ALAS2: variants seen among roughly 807,000 people sequenced by gnomAD.
ALAS2 encodes 5-aminolevulinate synthase, erythroid-specific, mitochondrial.
In ALAS2, 3 loss-of-function variants were observed where a neutral mutation model predicts 33.7. The ratio of observed to expected loss-of-function variants is 0.09; its 90% CI spans 0.04 to 0.23. ALAS2 has a LOEUF of 0.23. ALAS2 is among the 10% of genes least tolerant of loss of function. The pLI, the probability that ALAS2 is intolerant of heterozygous loss-of-function variation, is 1.00. For synonymous variants in ALAS2, 191 were observed against 177.3 expected (o/e 1.08, Z -0.61); for missense variants, 304 against 475.1 (o/e 0.64, Z 3.35).
chrX:55,009,157 G>A lies in ALAS2; in HGVS notation c.*23C>T, dbSNP rs942848551. The A allele has an allele frequency of 1.7e-6, 2 of 1,202,750 alleles. No individual in the cohort carries two copies. The highest frequency in any genetic ancestry group is 2.2e-5 in the Admixed American group (1 of 44,941). On this transcript the variant is annotated 3_prime_UTR_variant, in exon 11 of 11. Coordinates refer to ENST00000650242, the MANE Select transcript of ALAS2 (RefSeq NM_000032.5). ...GACCCAAGTGAAGCGCAGGTGGGGT[G>A]TGAATCCTAGGCAGCTGGCTTCTCA...
chrX:55,011,350 T>TA (rs747005981), intron 10 of ALAS2, among the ~76,000 whole-genome samples: 1 of 111,823 alleles, frequency 8.9e-6, no homozygotes, highest in Admixed American at 9.5e-5. Context: ...ATTTTTAAGA[T>TA]AAAAAAACAT....
At chrX:55,016,230 G>A (rs759452650) in intron 7 of ALAS2, among the ~76,000 whole-genome samples, 1 of 110,463 alleles carries the variant, frequency 9.1e-6, no homozygotes, top group Non-Finnish European at 1.9e-5. Flanking sequence ...CAAATGTAAC[G>A]AGGTAGAATG....
intron 1 of ALAS2, chrX:55,027,769 T>C (rs1178383634): frequency 1.7e-6 from 2 of 1,211,419 alleles, no homozygotes; most frequent in South Asian, 3.5e-5. Flanking sequence ...ACAACCTCTT[T>C]TTCTTGTTCC....
At chrX:55,029,006 G>A (rs1023977131) in intron 1 of ALAS2, among the ~76,000 whole-genome samples, 8 of 112,010 alleles carry the variant, frequency 7.1e-5, no homozygotes, top group Non-Finnish European at 5.6e-5. Flanking sequence ...ATGTTGTGAA[G>A]ATTCAGTAAG....
intron 9 of ALAS2, 114 bp from the exon 10 acceptor site, chrX:55,013,762 AT>A (rs944857777): frequency 1.2e-3 from 1,101 of 882,480 alleles, no homozygotes; most frequent in Non-Finnish European, 1.4e-3. Flanking sequence ...TTTGGGATAG[AT>A]TTTTTTTTTC....
At chrX:55,022,608 A>C (rs868241585) in intron 4 of ALAS2, among the ~76,000 whole-genome samples, 18 of 111,807 alleles carry the variant, frequency 1.6e-4, no homozygotes, top group African/African-American at 5.8e-4. Context: ...TAATTGACAA[A>C]ATGTATTAAT....
At chrX:55,020,980 C>CTTT in intron 5 of ALAS2, 72 bp downstream of exon 5, 1 of 844,101 alleles carries the variant, frequency 1.2e-6, no homozygotes, top group Non-Finnish European at 1.7e-6. Flanking sequence ...CCAGCTCTGC[C>CTTT]TTTTTTTTTT....
At chrX:55,025,323 G>A (rs1008803477) in intron 2 of ALAS2, among the ~76,000 whole-genome samples, 3 of 111,232 alleles carry the variant, frequency 2.7e-5, no homozygotes, top group African/African-American at 9.8e-5. Context: ...ATGACAGTGA[G>A]ACTGTTTCTT....
intron 3 of ALAS2, among the ~76,000 whole-genome samples, chrX:55,024,172 T>C (rs1205513925): frequency 8.9e-6 from 1 of 112,213 alleles, no homozygotes; most frequent in Non-Finnish European, 1.9e-5. Context: ...TGCAGGATAA[T>C]GTACCTTACT....
intron 8 of ALAS2, 76 bp downstream of exon 8, chrX:55,015,502 G>C: frequency 8.8e-7 from 1 of 1,136,135 alleles, no homozygotes; most frequent in Non-Finnish European, 1.2e-6. Flanking sequence ...TATAGCTTTG[G>C]GGAGGAGGCA....
intron 4 of ALAS2, among the ~76,000 whole-genome samples, chrX:55,023,316 A>G (rs191205223): frequency 9.0e-6 from 1 of 110,574 alleles, no homozygotes; most frequent in African/African-American, 3.3e-5. Context: ...ACTTTCCTGT[A>G]TATGTTGAAA....
intron 6 of ALAS2, among the ~76,000 whole-genome samples, chrX:55,019,598 A>G (rs1935765401): frequency 9.0e-6 from 1 of 111,444 alleles, no homozygotes; most frequent in Non-Finnish European, 1.9e-5. Context: ...GTAGAGGTTA[A>G]GAGTATGAAT....
At chrX:55,023,062 T>A (rs73499028) in intron 4 of ALAS2, among the ~76,000 whole-genome samples, 1,406 of 111,523 alleles carry the variant, frequency 0.013, 24 homozygotes, top group African/African-American at 0.043. Context: ...GATGCTTGAT[T>A]AACTGAATGA....
rs1332684906 is a variant in ALAS2, at chrX:55,025,082, G to T, written c.182-242C>A. Among the ~76,000 whole-genome samples, 3 of 111,113 alleles carry T rather than the reference G, an allele frequency of 2.7e-5. No homozygotes were observed. The Admixed American group carries it at 2.9e-4, about 11-fold the overall frequency. On this transcript the variant is annotated intron_variant, in intron 2 of 10. Coordinates refer to ENST00000650242, the MANE Select transcript of ALAS2 (RefSeq NM_000032.5). ...GTACATGGGCTACAGAAGTCCAGAA[G>T]AGGGAGGGGAAATGAGCCAGAATTG...
intron 10 of ALAS2, among the ~76,000 whole-genome samples, chrX:55,011,671 C>T (rs759463857): frequency 8.9e-6 from 1 of 111,992 alleles, no homozygotes; most frequent in East Asian, 2.8e-4. Context: ...GGCTATGGAA[C>T]TTAGGGACTG....
chrX:55,009,226 G>A lies in ALAS2; in HGVS notation c.1718C>T (p.Ser573Phe), dbSNP rs201799139. 646 of 1,206,177 alleles carry A rather than the reference G, an allele frequency of 5.4e-4. No individual in the cohort carries two copies. The highest frequency in any genetic ancestry group is 6.9e-4 in the Non-Finnish European group (620 of 893,574). ...CTGGGGCCCCATGTTCCCGAAGTAG[G>A]AACGTTCCCACTCACTCATGAGCTC... ...HFELMSEWERSYFGNMGPQYV... is the reference protein window; with the variant it reads ...HFELMSEWERFYFGNMGPQYV... The change falls in exon 11 of 11, where the codon TCC becomes TTC. Residue 573 changes from serine to phenylalanine, a missense_variant. This residue lies in a region of ALAS2 where 95 missense variants were observed against 127.0 expected (regional missense o/e 0.75). Transcript: ENST00000650242.
At chrX:55,026,304 G>A (rs1350503539) in intron 1 of ALAS2, among the ~76,000 whole-genome samples, 1 of 112,309 alleles carries the variant, frequency 8.9e-6, no homozygotes, top group Non-Finnish European at 1.9e-5. Flanking sequence ...CCTCTGTGAT[G>A]ATGAGGATCA....
chrX:55,028,554 C>A lies in ALAS2; in HGVS notation c.-16+2388G>T, dbSNP rs146785307. 7.7e-3 allele frequency among the ~76,000 whole-genome samples: 858 copies of A among 111,709 alleles called. 9 individuals are homozygous for A. Among genetic ancestry groups the A allele is most frequent in the African/African-American group, 0.026 (807 of 30,746 alleles). On this transcript the variant is annotated intron_variant, in intron 1 of 10. Coordinates refer to ENST00000650242, the MANE Select transcript of ALAS2 (RefSeq NM_000032.5). ...TATAAAAACAGGAGAAATTAACACA[C>A]ATCATTACTAGGGGGCTTTTGGCCA...
intron 7 of ALAS2, 24 bp downstream of exon 7, chrX:55,017,462 A>G (rs1442657430): frequency 8.5e-7 from 1 of 1,182,625 alleles, no homozygotes; most frequent in South Asian, 1.8e-5. Context: ...ACACTAGTAA[A>G]CATACACTCA....
Sources: gnomAD v4.1 joint callset for allele counts (sites outside exome capture counted in the v4.1 genomes callset) on GRCh38, gnomAD v4.1.1 for gene constraint, gnomAD v4.1.1 regional missense constraint, MANE v1.5 for transcripts, NCBI Gene and HGNC (gene_info 2026-07-23, HGNC 2026-07-21) for gene names.